CAMKMT: variants seen among roughly 807,000 people sequenced by gnomAD.
The protein encoded by CAMKMT is CaM KMT.
In CAMKMT, 53 loss-of-function variants were observed where a neutral mutation model predicts 48.0. The ratio of observed to expected loss-of-function variants is 1.10; its 90% CI spans 0.89 to 1.39. The LOEUF is 1.39. CAMKMT is among the 40% of genes most tolerant of loss of function. CAMKMT has a pLI of 0.00. For missense variants in CAMKMT, 428 were observed against 402.7 expected, an observed-to-expected ratio of 1.06 and a Z score of -0.54; for synonymous variants, 165 against 152.3, an observed-to-expected ratio of 1.08 and a Z score of -0.61.
rs183510449 is a variant in CAMKMT at position 44,562,064 on chromosome 2, C to G, written c.377-142219C>G. On this transcript the variant is annotated intron_variant, in intron 3 of 10. Coordinates refer to ENST00000378494, the MANE Select transcript of CAMKMT (RefSeq NM_024766.5). ...CTTGTGTGAAATGAAAATAGAAGATCAAGCTGATGCTTGGAAACTGGGTAG... is the reference window on the plus strand; with the variant it reads ...CTTGTGTGAAATGAAAATAGAAGATGAAGCTGATGCTTGGAAACTGGGTAG... Among the ~76,000 whole-genome samples the G allele has an allele frequency of 1.1e-4, 16 of 152,268 alleles. 1 individual carries two copies. In the East Asian group the frequency reaches 2.9e-3, roughly 28 times the overall value.
intron 3 of CAMKMT, among the ~76,000 whole-genome samples, chr2:44,654,088 A>AG (rs2104050264): frequency 6.6e-6 from 1 of 152,314 alleles, no homozygotes; most frequent in African/African-American, 2.4e-5. Context: ...ATTACCAGAG[A>AG]AAGCTAGTGC....
chr2:44,692,362 G>A (rs1016440037), intron 3 of CAMKMT, among the ~76,000 whole-genome samples: 1 of 151,986 alleles, frequency 6.6e-6, no homozygotes, highest in Non-Finnish European at 1.5e-5. Flanking sequence ...TTTATTGCTT[G>A]TACTTAACAA....
intron 8 of CAMKMT, among the ~76,000 whole-genome samples, chr2:44,751,348 T>A (rs1680147377): frequency 6.6e-6 from 1 of 152,186 alleles, no homozygotes; most frequent in Non-Finnish European, 1.5e-5. Context: ...GAGCACAGAC[T>A]CTGAAGCCAA....
At chr2:44,450,585 A>G (rs1482711332) in intron 3 of CAMKMT, among the ~76,000 whole-genome samples, 3 of 152,150 alleles carry the variant, frequency 2.0e-5, no homozygotes, top group Admixed American at 6.6e-5. Context: ...ACTTTCACCC[A>G]TATATTTTCA....
At chr2:44,372,181 C>G (rs1287757890) in intron 1 of CAMKMT, among the ~76,000 whole-genome samples, 2 of 152,048 alleles carry the variant, frequency 1.3e-5, no homozygotes, top group African/African-American at 4.8e-5. Flanking sequence ...AGGTTTTCTC[C>G]TTTTAAAGAT....
At chr2:44,459,669 C>T (rs1405330499) in intron 3 of CAMKMT, among the ~76,000 whole-genome samples, 3 of 152,148 alleles carry the variant, frequency 2.0e-5, no homozygotes, top group Admixed American at 6.5e-5. Flanking sequence ...CCATATCCCC[C>T]GCAATAGGCT....
chr2:44,369,646 T>C (rs1433738552), intron 1 of CAMKMT: 1 of 152,156 alleles, frequency 6.6e-6, no homozygotes, highest in Non-Finnish European at 1.5e-5. Context: ...TTAGCTGTGA[T>C]CTTTGGTGAA....
chr2:44,571,994 G>T (rs1668932669), intron 3 of CAMKMT, among the ~76,000 whole-genome samples: 1 of 151,904 alleles, frequency 6.6e-6, no homozygotes, highest in Non-Finnish European at 1.5e-5. Context: ...TTTTATCATG[G>T]TAAAACATAT....
chr2:44,565,941 CAT>C (rs1668592105), intron 3 of CAMKMT, among the ~76,000 whole-genome samples: 1 of 152,160 alleles, frequency 6.6e-6, no homozygotes, highest in Non-Finnish European at 1.5e-5. Flanking sequence ...CATGCCACAA[CAT>C]GTGTTTGTGT....
chr2:44,440,889 G>T (rs536045760), intron 3 of CAMKMT, among the ~76,000 whole-genome samples: 1 of 151,820 alleles, frequency 6.6e-6, no homozygotes, highest in South Asian at 2.1e-4. Context: ...TCTTTTACTT[G>T]GTGTAGTCAG....
intron 3 of CAMKMT, among the ~76,000 whole-genome samples, chr2:44,585,009 C>T (rs1437649492): frequency 6.6e-6 from 1 of 151,234 alleles, no homozygotes; most frequent in African/African-American, 2.4e-5. Flanking sequence ...GAGCCGAGAT[C>T]GCACCACTGC....
chr2:44,634,920 T>G (rs1475903137), intron 3 of CAMKMT, among the ~76,000 whole-genome samples: 1 of 151,952 alleles, frequency 6.6e-6, no homozygotes, highest in Non-Finnish European at 1.5e-5. Flanking sequence ...AATAAATGTG[T>G]CTGTAGGGCT....
intron 3 of CAMKMT, among the ~76,000 whole-genome samples, chr2:44,670,354 G>A (rs1675256519): frequency 1.3e-5 from 2 of 152,118 alleles, no homozygotes; most frequent in African/African-American, 4.8e-5. Flanking sequence ...TGAGGCAGGA[G>A]GATCACTTGA....
At chr2:44,574,479 A>G (rs1669094708) in intron 3 of CAMKMT, among the ~76,000 whole-genome samples, 1 of 152,004 alleles carries the variant, frequency 6.6e-6, no homozygotes, top group Non-Finnish European at 1.5e-5. Context: ...TGTGGTCTGG[A>G]TTGGTTGACT....
At chr2:44,722,176 CTTTTTTT>C (rs11323950) in intron 7 of CAMKMT, among the ~76,000 whole-genome samples, 4 of 115,458 alleles carry the variant, frequency 3.5e-5, no homozygotes, top group South Asian at 2.8e-4. Flanking sequence ...TTTCTTTTTT[CTTTTTTT>C]TTTTTTTTTT....
At chr2:44,400,739 A>G (rs982549728) in intron 3 of CAMKMT, 8 of 151,784 alleles carry the variant, frequency 5.3e-5, no homozygotes, top group African/African-American at 1.9e-4. Flanking sequence ...TGAATAAAAA[A>G]TAAGCTAACA....
intron 8 of CAMKMT, among the ~76,000 whole-genome samples, chr2:44,744,445 C>A (rs1229482209): frequency 6.6e-6 from 1 of 152,098 alleles, no homozygotes; most frequent in Admixed American, 6.5e-5. Flanking sequence ...TTCAACTAAT[C>A]TTATGTATTT....
At chr2:44,518,039 T>C (rs1670920247) in intron 3 of CAMKMT, among the ~76,000 whole-genome samples, 1 of 152,144 alleles carries the variant, frequency 6.6e-6, no homozygotes, top group Non-Finnish European at 1.5e-5. Flanking sequence ...CAGCCAGTGT[T>C]TTGTGGGGCT....
intron 3 of CAMKMT, among the ~76,000 whole-genome samples, chr2:44,628,844 T>C (rs914198715): frequency 1.3e-5 from 2 of 152,210 alleles, no homozygotes; most frequent in Admixed American, 6.5e-5. Flanking sequence ...TTTTTTGTTA[T>C]TGATTTTCAA....
Sources: gnomAD v4.1 joint callset for allele counts (sites outside exome capture counted in the v4.1 genomes callset) on GRCh38, gnomAD v4.1.1 for gene constraint, MANE v1.5 for transcripts, NCBI Gene and HGNC (gene_info 2026-07-23, HGNC 2026-07-21) for gene names.